The following ANKS1B variants were observed in gnomAD, a reference collection of about 807,000 sequenced individuals.
The protein encoded by ANKS1B is ankyrin repeat and sterile alpha motif domain containing 1B.
In ANKS1B, 36 loss-of-function variants were observed where a neutral mutation model predicts 148.3. The observed-to-expected ratio is 0.24, with a 90% confidence interval of 0.19 to 0.32. The LOEUF is 0.32. Among genes scored for constraint, ANKS1B ranks in the 10% least tolerant of loss-of-function variants. The pLI is 1.00. For synonymous variants in ANKS1B, 542 were observed against 560.8 expected (o/e 0.97, Z 0.47); for missense variants, 1,157 against 1,542.6 (o/e 0.75, Z 4.19).
At chr12:99,750,822 G>C (rs2061037835) in intron 8 of ANKS1B, among the ~76,000 whole-genome samples, 1 of 152,054 alleles carries the variant, frequency 6.6e-6, no homozygotes, top group South Asian at 2.1e-4. Flanking sequence ...CCTTTGAGGA[G>C]AGCCACCTGC....
At chr12:98,854,118 T>C (rs539708993) in intron 17 of ANKS1B, among the ~76,000 whole-genome samples, 2 of 152,312 alleles carry the variant, frequency 1.3e-5, no homozygotes, top group East Asian at 3.9e-4. Context: ...TTCCTCAACT[T>C]TGGAGTAGGT....
intron 2 of ANKS1B, among the ~76,000 whole-genome samples, chr12:99,815,208 T>C (rs910105876): frequency 1.3e-5 from 2 of 151,786 alleles, no homozygotes; most frequent in African/African-American, 4.8e-5. Flanking sequence ...TGACATTTTC[T>C]AATAATGTAA....
intron 9 of ANKS1B, among the ~76,000 whole-genome samples, chr12:99,519,025 A>G (rs960100480): frequency 6.6e-6 from 1 of 152,024 alleles, no homozygotes. Flanking sequence ...ATGTGTCTGT[A>G]TAGTTTCCAA....
intron 22 of ANKS1B, chr12:98,794,614 G>A: frequency 2.5e-6 from 2 of 809,380 alleles, no homozygotes; most frequent in Non-Finnish European, 4.3e-6. Flanking sequence ...TTAAAAAGAA[G>A]TGCGATCCTC....
chr12:99,266,697 C>T (rs1234112436), intron 12 of ANKS1B, among the ~76,000 whole-genome samples: 1 of 152,170 alleles, frequency 6.6e-6, no homozygotes, highest in African/African-American at 2.4e-5. Context: ...ACCAAGTCTA[C>T]AGTCACGGGT....
chr12:99,214,743 G>C (rs1429044604), intron 14 of ANKS1B, among the ~76,000 whole-genome samples: 1 of 152,198 alleles, frequency 6.6e-6, no homozygotes, highest in Non-Finnish European at 1.5e-5. Context: ...CTTTGGAGCT[G>C]GGTAACAGGC....
At chr12:99,858,932 C>G (rs2153714874) in intron 1 of ANKS1B, among the ~76,000 whole-genome samples, 1 of 152,184 alleles carries the variant, frequency 6.6e-6, no homozygotes, top group Admixed American at 6.5e-5. Context: ...GTACACTCCT[C>G]CAGTGGTGGG....
intron 12 of ANKS1B, among the ~76,000 whole-genome samples, chr12:99,338,162 G>T (rs956410678): frequency 6.6e-6 from 1 of 152,128 alleles, no homozygotes; most frequent in Non-Finnish European, 1.5e-5. Flanking sequence ...TGCTGTCCGG[G>T]AACCACAGCC....
intron 14 of ANKS1B, among the ~76,000 whole-genome samples, chr12:99,205,414 A>C (rs1350081146): frequency 6.6e-6 from 1 of 152,206 alleles, no homozygotes; most frequent in Non-Finnish European, 1.5e-5. Context: ...AAAGCTTATT[A>C]AGATCTTTAT....
intron 1 of ANKS1B, among the ~76,000 whole-genome samples, chr12:99,898,491 T>C (rs1408566372): frequency 6.6e-6 from 1 of 152,230 alleles, no homozygotes; most frequent in Non-Finnish European, 1.5e-5. Context: ...AGTCTGTCTC[T>C]TATCTAACTT....
At chr12:98,757,190 G>A (rs536190803) in intron 25 of ANKS1B, among the ~76,000 whole-genome samples, 11 of 152,312 alleles carry the variant, frequency 7.2e-5, no homozygotes, top group South Asian at 4.1e-4. Context: ...GAGTGAAGGG[G>A]TCTCAAAGAC....
chr12:98,834,909 T>C (rs2099353408), intron 17 of ANKS1B, among the ~76,000 whole-genome samples: 1 of 152,140 alleles, frequency 6.6e-6, no homozygotes, highest in Non-Finnish European at 1.5e-5. Flanking sequence ...AAATACAGCA[T>C]ATTTTCTAAT....
chr12:99,503,255 T>C (rs570859490), intron 10 of ANKS1B, among the ~76,000 whole-genome samples: 1 of 152,352 alleles, frequency 6.6e-6, no homozygotes, highest in Non-Finnish European at 1.5e-5. Flanking sequence ...GCATGAGCCA[T>C]CGCTCCTGGA....
chr12:99,561,190 T>C (rs185709206), intron 9 of ANKS1B, among the ~76,000 whole-genome samples: 35 of 152,336 alleles, frequency 2.3e-4, no homozygotes, highest in African/African-American at 7.5e-4. Context: ...GCCACATTAA[T>C]TGAATCTTTC....
At chr12:99,541,783 G>A (rs1014128647) in intron 9 of ANKS1B, among the ~76,000 whole-genome samples, 9 of 151,726 alleles carry the variant, frequency 5.9e-5, no homozygotes, top group East Asian at 5.8e-4. Context: ...TGAACCTGCG[G>A]AGCGGAGGTT....
At chr12:99,132,545 A>G (rs892252867) in intron 15 of ANKS1B, among the ~76,000 whole-genome samples, 2 of 152,130 alleles carry the variant, frequency 1.3e-5, no homozygotes, top group Non-Finnish European at 2.9e-5. Context: ...TACGTTAGGT[A>G]TAAAACTGGG....
chr12:99,514,699 C>T (rs1034097887), intron 9 of ANKS1B, among the ~76,000 whole-genome samples: 1 of 152,010 alleles, frequency 6.6e-6, no homozygotes, highest in South Asian at 2.1e-4. Flanking sequence ...ATGACTATGA[C>T]CAGATATTTA....
intron 12 of ANKS1B, among the ~76,000 whole-genome samples, chr12:99,248,049 G>A (rs2074089798): frequency 6.6e-6 from 1 of 152,006 alleles, no homozygotes; most frequent in African/African-American, 2.4e-5. Context: ...CACTGAATGA[G>A]GAATTATATC....
chr12:98,971,119 T>A (rs1568102268), intron 17 of ANKS1B, among the ~76,000 whole-genome samples: 1 of 152,210 alleles, frequency 6.6e-6, no homozygotes, highest in African/African-American at 2.4e-5. Context: ...TGGGTGACCT[T>A]GGCCAAGTTT....
Sources: gnomAD v4.1 joint callset for allele counts (sites outside exome capture counted in the v4.1 genomes callset) on GRCh38, gnomAD v4.1.1 for gene constraint, MANE v1.5 for transcripts, NCBI Gene and HGNC (gene_info 2026-07-23, HGNC 2026-07-21) for gene names.